The following SPOCK3 variants were observed in gnomAD, a reference collection of about 807,000 sequenced individuals.
The protein encoded by SPOCK3 is SPARC (osteonectin), cwcv and kazal like domains proteoglycan 3, also known as testican-3.
SPOCK3 carries 30 observed loss-of-function variants against 56.6 expected under a neutral mutation model. That is an observed-to-expected ratio of 0.53 (90% confidence interval 0.40 to 0.72). The LOEUF (loss-of-function observed/expected upper bound fraction) is 0.72, where lower values mean the gene tolerates loss of function less well. SPOCK3 is among the 30% of genes least tolerant of loss of function. The pLI, the probability that SPOCK3 is intolerant of heterozygous loss-of-function variation, is 0.00. For synonymous variants in SPOCK3, 196 were observed against 183.3 expected, an observed-to-expected ratio of 1.07 and a Z score of -0.56; for missense variants, 527 against 530.0, an observed-to-expected ratio of 0.99 and a Z score of 0.06.
intron 2 of SPOCK3, among the ~76,000 whole-genome samples, chr4:167,148,217 G>A (rs893713036): frequency 6.6e-6 from 1 of 152,082 alleles, no homozygotes; most frequent in African/African-American, 2.4e-5. Flanking sequence ...TAGGTGTTTG[G>A]GGAGTTGCTA....
chr4:167,062,457 TA>T, intron 3 of SPOCK3, 34 bp downstream of exon 3: 4 of 1,494,094 alleles, frequency 2.7e-6, no homozygotes, highest in Non-Finnish European at 3.7e-6. Context: ...TATGAACATG[TA>T]AAGGTTTTTA....
intron 4 of SPOCK3, among the ~76,000 whole-genome samples, chr4:166,919,276 G>A (rs745670731): frequency 1.8e-4 from 28 of 152,136 alleles, no homozygotes; most frequent in Admixed American, 3.9e-4. Flanking sequence ...TTTACAGAGC[G>A]TTTAAATTAA....
At chr4:166,788,069 C>A (rs930585636) in intron 7 of SPOCK3, among the ~76,000 whole-genome samples, 4 of 152,080 alleles carry the variant, frequency 2.6e-5, no homozygotes, top group Non-Finnish European at 5.9e-5. Flanking sequence ...GTAATCCCAG[C>A]TATTTGTGAA....
intron 3 of SPOCK3, among the ~76,000 whole-genome samples, chr4:167,021,175 A>G (rs1751135580): frequency 6.6e-6 from 1 of 152,080 alleles, no homozygotes; most frequent in African/African-American, 2.4e-5. Context: ...TTTAAAAATC[A>G]AATGTTTCTT....
chr4:166,862,506 T>C (rs928945092), intron 6 of SPOCK3, among the ~76,000 whole-genome samples: 1 of 152,082 alleles, frequency 6.6e-6, no homozygotes, highest in African/African-American at 2.4e-5. Context: ...AACTTTTTTA[T>C]CTTACATTAC....
At chr4:167,067,324 G>A (rs1194220456) in intron 2 of SPOCK3, among the ~76,000 whole-genome samples, 2 of 151,796 alleles carry the variant, frequency 1.3e-5, no homozygotes, top group Non-Finnish European at 2.9e-5. Context: ...ACACAATTTT[G>A]TTGTATATTT....
At chr4:167,018,890 C>G (rs1750904473) in intron 3 of SPOCK3, among the ~76,000 whole-genome samples, 1 of 152,004 alleles carries the variant, frequency 6.6e-6, no homozygotes, top group Non-Finnish European at 1.5e-5. Context: ...CTGCTACAAA[C>G]AGAAGTAGCA....
rs147764677 is a variant in SPOCK3 at position 167,007,649 on chromosome 4, G to A, written c.236-7186C>T. Among the ~76,000 whole-genome samples, 495 of 152,202 alleles carry A rather than the reference G, an allele frequency of 3.3e-3. 1 individual carries two copies. Among genetic ancestry groups the A allele is most frequent in the Middle Eastern group, 0.02 (6 of 294 alleles). ...TCATTGCCCTGTAGAAATCTAAAAT[G>A]CCCTTTATTATAGCTGTAGAAAATC... On this transcript the variant is annotated intron_variant, in intron 3 of 10. Transcript: ENST00000357545.
At chr4:166,932,191 C>T (rs1739864824) in intron 4 of SPOCK3, among the ~76,000 whole-genome samples, 1 of 152,118 alleles carries the variant, frequency 6.6e-6, no homozygotes, top group Non-Finnish European at 1.5e-5. Flanking sequence ...AGTAAGACCA[C>T]AGTTAATGTA....
chr4:166,953,042 A>T (rs1439188636), intron 4 of SPOCK3, among the ~76,000 whole-genome samples: 10 of 151,972 alleles, frequency 6.6e-5, no homozygotes, highest in Admixed American at 6.6e-5. Flanking sequence ...TTCATGTCTA[A>T]AAAACCAAAA....
intron 3 of SPOCK3, among the ~76,000 whole-genome samples, chr4:167,018,446 C>T (rs1191483995): frequency 1.3e-5 from 2 of 151,986 alleles, no homozygotes; most frequent in African/African-American, 4.8e-5. Flanking sequence ...CTTCCCATAC[C>T]CTCCACTCAC....
intron 2 of SPOCK3, among the ~76,000 whole-genome samples, chr4:167,221,777 T>TAAC (rs1053758294): frequency 6.6e-6 from 1 of 152,082 alleles, no homozygotes; most frequent in African/African-American, 2.4e-5. Flanking sequence ...AGATGGCTAC[T>TAAC]AACAACAACA....
At chr4:166,792,345 C>T in intron 6 of SPOCK3, 56 bp from the exon 7 acceptor site, 10 of 1,578,526 alleles carry the variant, frequency 6.3e-6, no homozygotes, top group Non-Finnish European at 8.7e-7. Context: ...AATGTTAGTG[C>T]TATTTCTCTC....
intron 2 of SPOCK3, among the ~76,000 whole-genome samples, chr4:167,152,447 T>G (rs2150419117): frequency 6.6e-6 from 1 of 152,164 alleles, no homozygotes; most frequent in Non-Finnish European, 1.5e-5. Context: ...CTCAGCTTAC[T>G]CAGGGTAGAG....
At chr4:167,025,777 C>T (rs962810111) in intron 3 of SPOCK3, among the ~76,000 whole-genome samples, 2 of 152,016 alleles carry the variant, frequency 1.3e-5, no homozygotes, top group Non-Finnish European at 2.9e-5. Context: ...TATAGTCATG[C>T]CTGGCTTAAC....
At chr4:167,062,458 A>C in intron 3 of SPOCK3, 34 bp downstream of exon 3, 1 of 1,502,044 alleles carries the variant, frequency 6.7e-7, no homozygotes, top group Non-Finnish European at 9.2e-7. Context: ...ATGAACATGT[A>C]AAGGTTTTTA....
At chr4:166,898,071 G>T (rs963660498) in intron 5 of SPOCK3, among the ~76,000 whole-genome samples, 1 of 151,920 alleles carries the variant, frequency 6.6e-6, no homozygotes, top group Admixed American at 6.6e-5. Flanking sequence ...CTGGTACTGT[G>T]CACCTGTAGT....
rs1054596348 is a variant in SPOCK3 at position 167,111,777 on chromosome 4, A to G, written c.190-49240T>C. 6.4e-5 allele frequency among the ~76,000 whole-genome samples: 9 copies of G among 140,838 alleles called. No homozygotes were observed. The South Asian group carries it at 2.0e-3, about 32-fold the overall frequency. 92.4% of individuals were successfully genotyped at this position (140,838 alleles called of 152,430 possible). ...AAAAGTAGCACTTTTTTTTTTTTTG[A>G]GACAAGGTCTTGCACTGTTGCCCAG... On this transcript the variant is annotated intron_variant, in intron 2 of 10. Coordinates refer to ENST00000357545, the MANE Select transcript of SPOCK3 (RefSeq NM_001040159.2).
chr4:166,979,822 T>C lies in SPOCK3; in HGVS notation c.350+20527A>G, dbSNP rs1232531003. Among the ~76,000 whole-genome samples the C allele has an allele frequency of 2.0e-5, 3 of 152,224 alleles. No homozygotes were observed. The East Asian group carries it at 5.8e-4, about 29-fold the overall frequency. On this transcript the variant is annotated intron_variant, in intron 4 of 10. Coordinates refer to ENST00000357545, the MANE Select transcript of SPOCK3 (RefSeq NM_001040159.2). Reference sequence around the variant, plus strand: ...GATGTGTTGAAATCTATCTCCAAGCTGAGCTCTTGTGATAACTGTAACCTC... The same window carrying C: ...GATGTGTTGAAATCTATCTCCAAGCCGAGCTCTTGTGATAACTGTAACCTC...
Sources: gnomAD v4.1 joint callset for allele counts (sites outside exome capture counted in the v4.1 genomes callset) on GRCh38, gnomAD v4.1.1 for gene constraint, MANE v1.5 for transcripts, NCBI Gene and HGNC (gene_info 2026-07-23, HGNC 2026-07-21) for gene names.